SEZ6L2: variants seen among roughly 807,000 people sequenced by gnomAD.
The protein encoded by SEZ6L2 is seizure 6-like protein 2.
Under a neutral mutation model 97.0 loss-of-function variants are expected in SEZ6L2, and 44 were observed. The ratio of observed to expected loss-of-function variants is 0.45; its 90% confidence interval spans 0.36 to 0.58. The LOEUF is 0.58. Ranked by LOEUF, SEZ6L2 falls within the 20% of genes least tolerant of loss-of-function variation. SEZ6L2 has a pLI of 0.00. For missense variants in SEZ6L2, 1,086 were observed against 1,233.3 expected (o/e 0.88, Z 1.79); for synonymous variants, 543 against 546.1 (o/e 0.99, Z 0.08).
intron 8 of SEZ6L2, among the ~76,000 whole-genome samples, chr16:29,885,293 C>G (rs1451494214): frequency 6.6e-6 from 1 of 152,068 alleles, no homozygotes; most frequent in East Asian, 1.9e-4. Context: ...GGGAAAGTGC[C>G]TAAGGATGAA....
At chr16:29,898,091 G>A (rs1267907947) in intron 1 of SEZ6L2, 107 bp from the exon 2 acceptor site, 14 of 1,523,892 alleles carry the variant, frequency 9.2e-6, no homozygotes, top group Non-Finnish European at 9.7e-6. Context: ...TGGGCCTGCA[G>A]GGGCTCAGAT....
At chr16:29,898,035 C>T (rs1164587887) in intron 1 of SEZ6L2, 51 bp from the exon 2 acceptor site, 1 of 1,605,530 alleles carries the variant, frequency 6.2e-7, no homozygotes, top group Non-Finnish European at 8.5e-7. Flanking sequence ...CCCCTTCCTT[C>T]TCCAGAGAGA....
chr16:29,897,191 G>A, intron 2 of SEZ6L2, 70 bp from the exon 3 acceptor site: 1 of 1,333,666 alleles, frequency 7.5e-7, no homozygotes, highest in African/African-American at 1.5e-5. Context: ...GAGCAGGGCT[G>A]AGGGAAGCTA....
chr16:29,880,835 C>T (rs2068015185), intron 8 of SEZ6L2, among the ~76,000 whole-genome samples: 3 of 152,084 alleles, frequency 2.0e-5, no homozygotes, highest in Admixed American at 2.0e-4. Context: ...GATCACAGCT[C>T]ATTGCAGCCT....
chr16:29,894,220 A>G (rs2068331315), intron 5 of SEZ6L2, among the ~76,000 whole-genome samples: 1 of 152,210 alleles, frequency 6.6e-6, no homozygotes, highest in Non-Finnish European at 1.5e-5. Flanking sequence ...GATCTTCCCC[A>G]TAATACTAAG....
In SEZ6L2 at chr16:29,879,967, C is replaced by G. The variant is rs145246622; in HGVS notation, c.1470G>C (p.Ser490=). 7.4e-6 allele frequency: 12 copies of G among 1,614,006 alleles called. No homozygotes were observed. Among genetic ancestry groups the G allele is most frequent in the Non-Finnish European group, 6.8e-6 (8 of 1,180,040 alleles). Residue 490 remains serine (S), a synonymous_variant, in exon 9 of 18, where the codon TCG becomes TCC. Coordinates refer to ENST00000617533, the MANE Select transcript of SEZ6L2 (RefSeq NM_001243332.2). ...GCTCCAGGGCATATCCTGGGAGGCA[C>G]GAGAAGGTTGCCAGTGCCCCTGGGC... ...EYRPGALATF[S]CLPGYALEPP... is the part of the protein sequence containing the mutation.
intron 8 of SEZ6L2, among the ~76,000 whole-genome samples, chr16:29,884,249 G>A (rs2068086118): frequency 6.6e-6 from 1 of 152,110 alleles, no homozygotes; most frequent in Non-Finnish European, 1.5e-5. Context: ...TGGCATTTTT[G>A]CTGAGCTCTC....
At chr16:29,884,727 A>G (rs1404606530) in intron 8 of SEZ6L2, among the ~76,000 whole-genome samples, 2 of 151,002 alleles carry the variant, frequency 1.3e-5, no homozygotes, top group African/African-American at 2.4e-5. Context: ...CAGCCTGACC[A>G]ACGTGGAGAA....
Position 29,876,679 on chromosome 16 carries a change from G to A in SEZ6L2, c.2104+77C>T. The A allele has an allele frequency of 7.5e-7, 1 of 1,341,234 alleles. No individual in the cohort carries two copies. The highest frequency in any genetic ancestry group is 1.0e-6 in the Non-Finnish European group (1 of 1,001,676). 83.1% of individuals were successfully genotyped at this position (1,341,234 alleles called of 1,614,324 possible). On this transcript the variant is annotated intron_variant, in intron 12 of 17. Coordinates refer to ENST00000617533, the MANE Select transcript of SEZ6L2 (RefSeq NM_001243332.2). The surrounding 1 kb of genome is among the most constrained non-coding windows in gnomAD (Gnocchi z 6.5). ...GGGATGGAACCCAGAAAGCACGGGG[G>A]TCGGGACAGGACAGGCCGACGACGG... is the stretch of plus-strand genomic sequence containing the variant.
chr16:29,896,990 C>A lies in SEZ6L2; in HGVS notation c.343G>T (p.Ala115Ser). 6.3e-7 allele frequency: 1 copy of A among 1,587,192 alleles called. No individual in the cohort carries two copies. Among genetic ancestry groups the A allele is most frequent in the South Asian group, 1.1e-5 (1 of 88,562 alleles). Reference sequence around the variant, plus strand: ...AGCAGTTCTGGCGCAGTGGGGCCTGCCCCCCTGACCCCGTTAGGGGTGACG... The same window carrying A: ...AGCAGTTCTGGCGCAGTGGGGCCTGACCCCCTGACCCCGTTAGGGGTGACG... ...TAVTPNGVRG[A>S]GPTAPELLTP... Residue 115 changes from alanine (A) to serine (S), a missense_variant, in exon 3 of 18, where the codon GCA (alanine) becomes TCA (serine). Physicochemically the swap from Ala to Ser is moderately conservative, Grantham distance 99 (BLOSUM62 1). Coordinates refer to ENST00000617533, the MANE Select transcript of SEZ6L2 (RefSeq NM_001243332.2).
rs1344135146 is a variant in SEZ6L2 at position 29,885,728 on chromosome 16, G to T, written c.1230C>A (p.Gly410=). The T allele has an allele frequency of 6.2e-7, 1 of 1,611,220 alleles. No homozygotes were observed. The highest frequency in any genetic ancestry group is 8.5e-7 in the Non-Finnish European group (1 of 1,178,172). ...DNDRLMVRSG[G]SPLSPVIYDS... is the part of the protein sequence containing the mutation. ...CATAGATCACGGGGGATAGGGGGCTGCCCCCTGAGCGCACCATCAGCCTGG... is the reference window on the plus strand; with the variant it reads ...CATAGATCACGGGGGATAGGGGGCTTCCCCCTGAGCGCACCATCAGCCTGG... The change falls in exon 8 of 18, where the codon GGC becomes GGA. Residue 410 remains glycine, a synonymous_variant. Transcript: ENST00000617533.
Position 29,899,105 on chromosome 16 carries a change from T to C in SEZ6L2, c.-86A>G, listed in dbSNP as rs529054729. 4.7e-6 allele frequency: 4 copies of C among 853,780 alleles called. No homozygotes were observed. The highest frequency in any genetic ancestry group is 3.7e-5 in the African/African-American group (2 of 54,736). The allele number at this position is 853,780 out of a possible 1,614,324, so 52.9% of individuals were successfully genotyped here. A position where few individuals can be genotyped will look rare whatever the true frequency, so the allele number is the denominator to read the frequency against. On this transcript the variant is annotated 5_prime_UTR_variant, in exon 1 of 18. Coordinates refer to ENST00000617533, the MANE Select transcript of SEZ6L2 (RefSeq NM_001243332.2). Reference sequence around the variant, plus strand: ...CTCCGTCTCCGTTTATCTTTCCCTTTAATTGTTTTTTTTTTTTTTTTTTTT... The same window carrying C: ...CTCCGTCTCCGTTTATCTTTCCCTTCAATTGTTTTTTTTTTTTTTTTTTTT...
At chr16:29,883,289 CCT>C (rs1285902816) in intron 8 of SEZ6L2, among the ~76,000 whole-genome samples, 2 of 151,938 alleles carry the variant, frequency 1.3e-5, no homozygotes, top group Non-Finnish European at 2.9e-5. Flanking sequence ...TCTCAAAGTT[CCT>C]CTCTTTCCTT....
intron 1 of SEZ6L2, among the ~76,000 whole-genome samples, chr16:29,898,349 C>T (rs2068452171): frequency 6.6e-6 from 1 of 152,234 alleles, no homozygotes; most frequent in African/African-American, 2.4e-5. Context: ...AGGATCTGGC[C>T]GCACCTCCCA....
Position 29,876,641 on chromosome 16 carries a change from G to C in SEZ6L2, c.2104+115C>G. Reference sequence around the variant, plus strand: ...CAGGCCTTGAAGAAGATCCAGGAAGGACCCCGAGCGAAGGGATGGAACCCA... The same window carrying C: ...CAGGCCTTGAAGAAGATCCAGGAAGCACCCCGAGCGAAGGGATGGAACCCA... On this transcript the variant is annotated intron_variant, in intron 12 of 17. Transcript: ENST00000617533. This position sits in a 1 kb window ranked among gnomAD's most constrained non-coding sequence, Gnocchi z 6.5. 1 of 942,556 alleles carries C rather than the reference G, an allele frequency of 1.1e-6. No individual in the cohort carries two copies. Among genetic ancestry groups the C allele is most frequent in the Non-Finnish European group, 1.5e-6 (1 of 648,040 alleles). The allele number at this position is 942,556 out of a possible 1,614,324, so 58.4% of individuals were successfully genotyped here.
chr16:29,893,439 G>A (rs1030353354), intron 5 of SEZ6L2, among the ~76,000 whole-genome samples: 1 of 151,960 alleles, frequency 6.6e-6, no homozygotes, highest in African/African-American at 2.4e-5. Flanking sequence ...TTGAGGTCAG[G>A]AGTTCGAGAC....
chr16:29,898,130 C>T (rs895554903), intron 1 of SEZ6L2, 146 bp from the exon 2 acceptor site: 8 of 1,176,840 alleles, frequency 6.8e-6, no homozygotes, highest in African/African-American at 6.2e-5. Context: ...GGGCCAAGAT[C>T]GGAGGAGGGG....
chr16:29,879,787 C>T (rs1391352071), intron 9 of SEZ6L2, 77 bp downstream of exon 9: 1 of 1,336,074 alleles, frequency 7.5e-7, no homozygotes, highest in South Asian at 1.4e-5. Flanking sequence ...GCCTTCCTTT[C>T]TGAACGGCCT....
chr16:29,879,794 G>A, intron 9 of SEZ6L2, 70 bp downstream of exon 9: 3 of 1,385,086 alleles, frequency 2.2e-6, no homozygotes, highest in Non-Finnish European at 3.0e-6. Flanking sequence ...TTTCTGAACG[G>A]CCTTGCTGGG....
Sources: allele counts gnomAD v4.1 joint callset (sites outside exome capture counted in the v4.1 genomes callset), GRCh38; gene constraint gnomAD v4.1.1; non-coding constraint Gnocchi (gnomAD v3.1); transcripts MANE v1.5; gene names NCBI Gene and HGNC (gene_info 2026-07-23, HGNC 2026-07-21).